The following LCLAT1 variants were observed in gnomAD, a reference collection of about 807,000 sequenced individuals.
LCLAT1 encodes the protein lysocardiolipin acyltransferase 1.
Under a neutral mutation model 30.7 loss-of-function variants are expected in LCLAT1, and 11 were observed. The observed-to-expected ratio is 0.36, with a 90% CI of 0.23 to 0.59. LCLAT1 has a LOEUF of 0.59. LCLAT1 is among the 20% of genes least tolerant of loss of function. The probability of loss-of-function intolerance (pLI) is 0.77; values close to 1 mark genes in which losing one functional copy is unlikely to be tolerated. For missense variants in LCLAT1, 402 were observed against 458.6 expected, an observed-to-expected ratio of 0.88 and a Z score of 1.13; for synonymous variants, 155 against 151.3, an observed-to-expected ratio of 1.02 and a Z score of -0.18.
At chr2:30,484,204 A>G (rs1683456498) in intron 1 of LCLAT1, among the ~76,000 whole-genome samples, 1 of 152,084 alleles carries the variant, frequency 6.6e-6, no homozygotes, top group Non-Finnish European at 1.5e-5. Flanking sequence ...TGCTTCAAAA[A>G]CTCAAATTCG....
At chr2:30,469,709 G>A (rs1682676690) in intron 1 of LCLAT1, among the ~76,000 whole-genome samples, 1 of 151,534 alleles carries the variant, frequency 6.6e-6, no homozygotes, top group Non-Finnish European at 1.5e-5. Context: ...CTGCTGAGTA[G>A]CTGGGACTAC....
chr2:30,516,238 G>C (rs903589823), intron 1 of LCLAT1, among the ~76,000 whole-genome samples: 1 of 152,080 alleles, frequency 6.6e-6, no homozygotes, highest in Non-Finnish European at 1.5e-5. Flanking sequence ...CATTGTATGG[G>C]AGCTTTGTTT....
At chr2:30,551,056 G>A (rs1282958497) in intron 3 of LCLAT1, among the ~76,000 whole-genome samples, 17 of 152,120 alleles carry the variant, frequency 1.1e-4, no homozygotes, top group Non-Finnish European at 1.5e-5. Flanking sequence ...ACAGCTCACT[G>A]CATCCTTGAC....
intron 1 of LCLAT1, among the ~76,000 whole-genome samples, chr2:30,471,697 C>T (rs542593616): frequency 4.6e-5 from 7 of 152,026 alleles, no homozygotes; most frequent in East Asian, 3.9e-4. Context: ...ATTACTGGTG[C>T]GTAGAAACAT....
chr2:30,489,686 G>A (rs1683744859), intron 1 of LCLAT1, among the ~76,000 whole-genome samples: 1 of 152,154 alleles, frequency 6.6e-6, no homozygotes, highest in Non-Finnish European at 1.5e-5. Flanking sequence ...GATAAGGTGG[G>A]GAAAGAGCCT....
intron 5 of LCLAT1, among the ~76,000 whole-genome samples, chr2:30,637,814 G>A (rs1420184564): frequency 2.6e-5 from 4 of 152,142 alleles, no homozygotes; most frequent in Non-Finnish European, 4.4e-5. Flanking sequence ...CTGACCTCAG[G>A]TGATCCACCC....
intron 1 of LCLAT1, among the ~76,000 whole-genome samples, chr2:30,469,754 G>A (rs1447114031): frequency 6.6e-6 from 1 of 151,744 alleles, no homozygotes; most frequent in Non-Finnish European, 1.5e-5. Context: ...GGGACTACAG[G>A]CATGTGCCAC....
chr2:30,517,427 C>G (rs1685234267), intron 1 of LCLAT1, among the ~76,000 whole-genome samples: 1 of 152,150 alleles, frequency 6.6e-6, no homozygotes, highest in Non-Finnish European at 1.5e-5. Context: ...AGGAGGATTG[C>G]TCTCCCATTG....
At chr2:30,552,153 G>T (rs1664708936) in intron 3 of LCLAT1, among the ~76,000 whole-genome samples, 1 of 152,156 alleles carries the variant, frequency 6.6e-6, no homozygotes, top group Non-Finnish European at 1.5e-5. Flanking sequence ...TTTGCAACAG[G>T]AAGAAATATC....
intron 5 of LCLAT1, among the ~76,000 whole-genome samples, chr2:30,622,306 G>A (rs1055488396): frequency 1.3e-5 from 2 of 152,142 alleles, no homozygotes; most frequent in African/African-American, 4.8e-5. Flanking sequence ...TCACTTGATG[G>A]TCTTTCTCTG....
chr2:30,625,005 G>A (rs947997940), intron 5 of LCLAT1, among the ~76,000 whole-genome samples: 10 of 152,034 alleles, frequency 6.6e-5, no homozygotes, highest in East Asian at 3.9e-4. Context: ...AACCTGCTCC[G>A]GAATGATTAT....
intron 5 of LCLAT1, among the ~76,000 whole-genome samples, chr2:30,595,538 C>T (rs1002589601): frequency 6.6e-6 from 1 of 152,180 alleles, no homozygotes; most frequent in Non-Finnish European, 1.5e-5. Flanking sequence ...ACCCATTCCT[C>T]CCTGTTTCAT....
At chr2:30,625,812 G>A (rs1458561108) in intron 5 of LCLAT1, among the ~76,000 whole-genome samples, 1 of 152,164 alleles carries the variant, frequency 6.6e-6, no homozygotes, top group Admixed American at 6.5e-5. Context: ...TAGCATAGTG[G>A]AAAGGCTTTA....
chr2:30,530,847 T>C (rs1329491792), intron 2 of LCLAT1, among the ~76,000 whole-genome samples: 2 of 152,146 alleles, frequency 1.3e-5, no homozygotes, highest in African/African-American at 4.8e-5. Flanking sequence ...CCCATCCCAG[T>C]CTTGGATTTT....
intron 2 of LCLAT1, 99 bp from the exon 3 acceptor site, chr2:30,533,017 A>G: frequency 1.2e-6 from 1 of 858,422 alleles, no homozygotes; most frequent in Non-Finnish European, 1.9e-6. Context: ...ACTAACTTTT[A>G]CATGTTAGAA....
intron 5 of LCLAT1, among the ~76,000 whole-genome samples, chr2:30,623,198 C>G (rs546928821): frequency 6.6e-6 from 1 of 151,788 alleles, no homozygotes. Context: ...GGACTACAGG[C>G]GCCTGTCACC....
chr2:30,530,605 G>T (rs1685935183), intron 2 of LCLAT1, among the ~76,000 whole-genome samples: 1 of 152,172 alleles, frequency 6.6e-6, no homozygotes, highest in African/African-American at 2.4e-5. Flanking sequence ...GAGTGTAGTG[G>T]TGCAGTCAGA....
intron 5 of LCLAT1, chr2:30,606,178 A>G (rs1667440920): frequency 2.5e-6 from 1 of 399,254 alleles, no homozygotes; most frequent in African/African-American, 2.2e-5. Context: ...AGCAATTTAC[A>G]GATTCAATGC....
intron 1 of LCLAT1, among the ~76,000 whole-genome samples, chr2:30,463,479 A>G (rs926853559): frequency 6.6e-6 from 1 of 152,164 alleles, no homozygotes; most frequent in Non-Finnish European, 1.5e-5. Context: ...TGCTTATGTT[A>G]ATGTATAGTC....
Sources: gnomAD v4.1 joint callset for allele counts (sites outside exome capture counted in the v4.1 genomes callset) on GRCh38, gnomAD v4.1.1 for gene constraint, MANE v1.5 for transcripts, NCBI Gene and HGNC (gene_info 2026-07-23, HGNC 2026-07-21) for gene names.